The following NXPH1 variants were observed in gnomAD, a reference collection of about 807,000 sequenced individuals.
NXPH1 encodes the protein neurexophilin 1.
In NXPH1, 5 loss-of-function variants were observed where a neutral mutation model predicts 23.7. The ratio of observed to expected loss-of-function variants is 0.21; its 90% confidence interval spans 0.11 to 0.44. The LOEUF is 0.44. Ranked by LOEUF, NXPH1 falls within the 20% of genes least tolerant of loss-of-function variation. NXPH1 has a pLI of 0.99. For missense variants in NXPH1, 324 were observed against 321.6 expected (o/e 1.01, Z -0.06); for synonymous variants, 144 against 122.2 (o/e 1.18, Z -1.18).
At chr7:8,456,871 A>G (rs1284101004) in intron 2 of NXPH1, among the ~76,000 whole-genome samples, 1 of 152,148 alleles carries the variant, frequency 6.6e-6, no homozygotes, top group Admixed American at 6.6e-5. Flanking sequence ...TTTTAAGTTT[A>G]TTCCTTGCCA....
chr7:8,483,958 C>T (rs1008513), intron 2 of NXPH1, among the ~76,000 whole-genome samples: 51,685 of 138,190 alleles, frequency 0.37, 9,852 homozygotes, highest in East Asian at 0.61. Context: ...AATAACACTC[C>T]CCCCACCTTT....
chr7:8,681,035 A>G (rs1821041649), intron 2 of NXPH1, among the ~76,000 whole-genome samples: 1 of 152,156 alleles, frequency 6.6e-6, no homozygotes, highest in Non-Finnish European at 1.5e-5. Context: ...CAAACACACA[A>G]CTGGCTAGTA....
chr7:8,612,387 C>T (rs868196105), intron 2 of NXPH1, among the ~76,000 whole-genome samples: 1 of 151,022 alleles, frequency 6.6e-6, no homozygotes, highest in Non-Finnish European at 1.5e-5. Flanking sequence ...CTTTTCTTCT[C>T]TCAAACATAG....
chr7:8,479,094 A>G (rs553355857), intron 2 of NXPH1, among the ~76,000 whole-genome samples: 1 of 152,282 alleles, frequency 6.6e-6, no homozygotes, highest in African/African-American at 2.4e-5. Flanking sequence ...ATATTGTTTA[A>G]CTGGTTAATA....
chr7:8,568,418 A>C lies in NXPH1; in HGVS notation c.54+132651A>C, dbSNP rs536054917. On this transcript the variant is annotated intron_variant, in intron 2 of 2. Transcript: ENST00000405863. Reference sequence around the variant, plus strand: ...ATGATAAATTTTTACACAAGGCCCCAAAATAGCAGCTTATGTGCAGATGCA... The same window carrying C: ...ATGATAAATTTTTACACAAGGCCCCCAAATAGCAGCTTATGTGCAGATGCA... Among the ~76,000 whole-genome samples, 3 of 152,010 alleles carry C rather than the reference A, an allele frequency of 2.0e-5. No homozygotes were observed. In the East Asian group the frequency reaches 5.8e-4, roughly 30 times the overall value.
At chr7:8,660,678 T>C (rs535759592) in intron 2 of NXPH1, among the ~76,000 whole-genome samples, 1 of 152,300 alleles carries the variant, frequency 6.6e-6, no homozygotes, top group Non-Finnish European at 1.5e-5. Flanking sequence ...GCAGGCTTCT[T>C]TGGCGCAATA....
chr7:8,689,231 A>C (rs748081256), intron 2 of NXPH1, among the ~76,000 whole-genome samples: 1 of 152,184 alleles, frequency 6.6e-6, no homozygotes, highest in Non-Finnish European at 1.5e-5. Context: ...AGCTGGAAAA[A>C]ATAAAGTAGC....
intron 2 of NXPH1, among the ~76,000 whole-genome samples, chr7:8,512,305 A>G (rs576586305): frequency 2.0e-5 from 3 of 152,224 alleles, no homozygotes; most frequent in Admixed American, 6.5e-5. Context: ...CCCTTTTTGA[A>G]TTTTAAAACA....
chr7:8,574,426 A>G (rs1483928508), intron 2 of NXPH1, among the ~76,000 whole-genome samples: 6 of 151,960 alleles, frequency 3.9e-5, no homozygotes, highest in Non-Finnish European at 5.9e-5. Context: ...CTCTCATCAC[A>G]TAGATGTTTT....
chr7:8,474,549 G>A (rs1262939437), intron 2 of NXPH1, among the ~76,000 whole-genome samples: 3 of 152,038 alleles, frequency 2.0e-5, no homozygotes, highest in Admixed American at 6.6e-5. Context: ...TACCAAGTAC[G>A]TATGTTTAAA....
At chr7:8,468,297 A>G (rs1816816832) in intron 2 of NXPH1, among the ~76,000 whole-genome samples, 1 of 152,088 alleles carries the variant, frequency 6.6e-6, no homozygotes, top group South Asian at 2.1e-4. Flanking sequence ...TTTTCCTAAA[A>G]TGGTTACATA....
intron 2 of NXPH1, among the ~76,000 whole-genome samples, chr7:8,626,919 G>T (rs1159205685): frequency 6.6e-6 from 1 of 151,922 alleles, no homozygotes; most frequent in East Asian, 1.9e-4. Context: ...CTTTACCAGG[G>T]TCTTTTTCCT....
chr7:8,463,922 TTGTC>T (rs1204904549), intron 2 of NXPH1, among the ~76,000 whole-genome samples: 3 of 152,196 alleles, frequency 2.0e-5, no homozygotes, highest in Admixed American at 1.3e-4. Flanking sequence ...ATTTGCATCT[TTGTC>T]TGTCATTTGG....
At chr7:8,668,531 T>C (rs886408351) in intron 2 of NXPH1, among the ~76,000 whole-genome samples, 3 of 152,102 alleles carry the variant, frequency 2.0e-5, no homozygotes, top group Admixed American at 2.0e-4. Flanking sequence ...CTGGATCCAC[T>C]TGGGTAGACC....
intron 2 of NXPH1, among the ~76,000 whole-genome samples, chr7:8,649,321 C>CT (rs1301949492): frequency 2.7e-5 from 2 of 74,200 alleles, no homozygotes; most frequent in Non-Finnish European, 6.2e-5. Flanking sequence ...GTATTTCTTT[C>CT]CTTTTTTTGT....
chr7:8,640,077 T>A (rs1175409503), intron 2 of NXPH1, among the ~76,000 whole-genome samples: 20 of 152,186 alleles, frequency 1.3e-4, no homozygotes, highest in Non-Finnish European at 2.9e-4. Flanking sequence ...TCATAATGTA[T>A]ATTGCAAATC....
At chr7:8,712,382 G>A (rs1426168616) in intron 2 of NXPH1, among the ~76,000 whole-genome samples, 3 of 152,124 alleles carry the variant, frequency 2.0e-5, no homozygotes, top group African/African-American at 7.2e-5. Flanking sequence ...TCATTTTGCA[G>A]CATTTCCCTG....
chr7:8,519,575 C>CT (rs1459472165), intron 2 of NXPH1, among the ~76,000 whole-genome samples: 4 of 152,078 alleles, frequency 2.6e-5, no homozygotes, highest in East Asian at 1.9e-4. Flanking sequence ...ATTTTCATTG[C>CT]TTTTTTTGCT....
chr7:8,688,231 C>T (rs1821175930), intron 2 of NXPH1, among the ~76,000 whole-genome samples: 1 of 152,046 alleles, frequency 6.6e-6, no homozygotes, highest in African/African-American at 2.4e-5. Context: ...GTAGGTAAGA[C>T]TCATTATTCA....
Sources: allele counts gnomAD v4.1 joint callset (sites outside exome capture counted in the v4.1 genomes callset), GRCh38; gene constraint gnomAD v4.1.1; transcripts MANE v1.5; gene names NCBI Gene and HGNC (gene_info 2026-07-23, HGNC 2026-07-21).